Variants in CADM2 observed in about 807,000 individuals in gnomAD.
The protein encoded by CADM2 is cell adhesion molecule 2, also known as immunoglobulin superfamily member 4D.
A neutral mutation model predicts 49.8 loss-of-function variants in CADM2; 12 were observed. The ratio of observed to expected loss-of-function variants is 0.24; its 90% CI spans 0.15 to 0.39. The LOEUF is 0.39. CADM2 is among the 10% of genes least tolerant of loss of function. The pLI, the probability that CADM2 is intolerant of heterozygous loss-of-function variation, is 1.00. For synonymous variants in CADM2, 214 were observed against 175.4 expected (o/e 1.22, Z -1.74); for missense variants, 378 against 492.3 (o/e 0.77, Z 2.20).
chr3:85,915,826 C>G (rs1161373303), intron 6 of CADM2, among the ~76,000 whole-genome samples: 1 of 151,980 alleles, frequency 6.6e-6, no homozygotes, highest in Non-Finnish European at 1.5e-5. Flanking sequence ...CATTTCAGAT[C>G]CACAGAGATG....
chr3:84,986,253 A>G (rs1424768110), intron 1 of CADM2, among the ~76,000 whole-genome samples: 1 of 152,120 alleles, frequency 6.6e-6, no homozygotes, highest in Non-Finnish European at 1.5e-5. Context: ...TTGTGACTCG[A>G]CTTGCTGAAT....
intron 1 of CADM2, among the ~76,000 whole-genome samples, chr3:85,000,493 T>C (rs1268029065): frequency 6.6e-6 from 1 of 152,120 alleles, no homozygotes; most frequent in African/African-American, 2.4e-5. Flanking sequence ...AATATGCTGA[T>C]ACTTTTCTAA....
intron 1 of CADM2, among the ~76,000 whole-genome samples, chr3:85,140,828 G>C (rs1029371054): frequency 6.6e-6 from 1 of 152,102 alleles, no homozygotes; most frequent in Admixed American, 6.5e-5. Flanking sequence ...TCTTTAACTT[G>C]GCAGGATTTG....
At chr3:85,292,428 C>T (rs1328230443) in intron 1 of CADM2, among the ~76,000 whole-genome samples, 1 of 147,444 alleles carries the variant, frequency 6.8e-6, no homozygotes, top group Non-Finnish European at 1.5e-5. Flanking sequence ...TCAGCTCTGC[C>T]CCAAGCAGAC....
intron 7 of CADM2, among the ~76,000 whole-genome samples, chr3:85,945,418 A>C (rs904496237): frequency 2.6e-5 from 4 of 152,050 alleles, no homozygotes; most frequent in Non-Finnish European, 4.4e-5. Context: ...ATCCTCCCCA[A>C]CTCGTTTTAT....
intron 1 of CADM2, among the ~76,000 whole-genome samples, chr3:85,282,141 C>T (rs1219487314): frequency 3.3e-5 from 5 of 151,036 alleles, no homozygotes; most frequent in Non-Finnish European, 5.9e-5. Flanking sequence ...AAAATTTTTA[C>T]TACAAAATAT....
chr3:85,983,463 G>C (rs941677246), intron 8 of CADM2, among the ~76,000 whole-genome samples: 1 of 151,534 alleles, frequency 6.6e-6, no homozygotes, highest in Admixed American at 6.6e-5. Flanking sequence ...GAGCATCAGT[G>C]TTTTCATCAG....
intron 1 of CADM2, among the ~76,000 whole-genome samples, chr3:85,064,850 T>C (rs2036468929): frequency 6.6e-6 from 1 of 152,120 alleles, no homozygotes; most frequent in South Asian, 2.1e-4. Context: ...AATAAGACTG[T>C]CTTTTAAAAA....
At chr3:85,384,144 A>G (rs1454728776) in intron 1 of CADM2, among the ~76,000 whole-genome samples, 6 of 152,152 alleles carry the variant, frequency 3.9e-5, no homozygotes, top group Non-Finnish European at 8.8e-5. Context: ...TATTCTTGTT[A>G]TGGTATCTTT....
At chr3:85,936,980 G>T (rs761337669) in intron 7 of CADM2, among the ~76,000 whole-genome samples, 8 of 151,740 alleles carry the variant, frequency 5.3e-5, no homozygotes, top group Admixed American at 1.3e-4. Flanking sequence ...CACAATTTAT[G>T]CAATTAAACA....
intron 1 of CADM2, among the ~76,000 whole-genome samples, chr3:85,097,863 T>C (rs2037861354): frequency 1.3e-5 from 2 of 152,204 alleles, no homozygotes; most frequent in Non-Finnish European, 2.9e-5. Flanking sequence ...CCCTACATAG[T>C]AGTCCTCAGT....
intron 1 of CADM2, among the ~76,000 whole-genome samples, chr3:85,551,331 C>T (rs2061797527): frequency 6.6e-6 from 1 of 152,118 alleles, no homozygotes; most frequent in Non-Finnish European, 1.5e-5. Context: ...ATAAGCAAGT[C>T]CTTATTAATC....
In CADM2 at chr3:85,912,556, T is replaced by G; in HGVS notation, c.700+13T>G. ...CTAGAAATACACTGTAAGTAAACACTACTTCCCCCTCCTTTATCTCAGCAG... is the reference window on the plus strand; with the variant it reads ...CTAGAAATACACTGTAAGTAAACACGACTTCCCCCTCCTTTATCTCAGCAG... On this transcript the variant is annotated intron_variant, in intron 6 of 9. Transcript: ENST00000383699. 1 of 1,604,994 alleles carries G rather than the reference T, an allele frequency of 6.2e-7. No individual in the cohort carries two copies. The highest frequency in any genetic ancestry group is 8.5e-7 in the Non-Finnish European group (1 of 1,174,426).
intron 1 of CADM2, among the ~76,000 whole-genome samples, chr3:85,723,992 G>A (rs1328157539): frequency 6.6e-6 from 1 of 151,526 alleles, no homozygotes; most frequent in African/African-American, 2.4e-5. Flanking sequence ...CATTATTTTA[G>A]CATAATCTAA....
chr3:85,742,334 T>C (rs776597741), intron 2 of CADM2, among the ~76,000 whole-genome samples: 21 of 152,180 alleles, frequency 1.4e-4, no homozygotes, highest in Non-Finnish European at 2.8e-4. Flanking sequence ...TTTCTACCTA[T>C]GTTAACCTTC....
chr3:86,042,449 G>T (rs1736071873), intron 8 of CADM2, among the ~76,000 whole-genome samples: 1 of 152,022 alleles, frequency 6.6e-6, no homozygotes, highest in South Asian at 2.1e-4. Context: ...TACTATAAAA[G>T]CCTCCATGCA....
chr3:85,390,896 C>T (rs1054491163), intron 1 of CADM2, among the ~76,000 whole-genome samples: 1 of 151,980 alleles, frequency 6.6e-6, no homozygotes, highest in Non-Finnish European at 1.5e-5. Context: ...TTCAGTGTTG[C>T]TATATCCCTG....
At chr3:84,972,422 G>A (rs2031517498) in intron 1 of CADM2, among the ~76,000 whole-genome samples, 1 of 152,006 alleles carries the variant, frequency 6.6e-6, no homozygotes, top group Non-Finnish European at 1.5e-5. Flanking sequence ...ATTTTTTATT[G>A]TGATATATGT....
At chr3:85,359,666 A>ATATTTTTT in intron 1 of CADM2, among the ~76,000 whole-genome samples, 25 of 26,552 alleles carry the variant, frequency 9.4e-4, no homozygotes, top group East Asian at 2.7e-3. Context: ...ATATATATAT[A>ATATTTTTT]TTTTTTTTTT....
Sources: allele counts gnomAD v4.1 joint callset (sites outside exome capture counted in the v4.1 genomes callset), GRCh38; gene constraint gnomAD v4.1.1; transcripts MANE v1.5; gene names NCBI Gene and HGNC (gene_info 2026-07-23, HGNC 2026-07-21).